Variants in LINGO2 observed in about 807,000 individuals in gnomAD.
LINGO2 encodes the protein leucine rich repeat and Ig domain containing 2, also known as leucine-rich repeat and immunoglobulin-like domain-containing nogo receptor-interacting protein 2.
A neutral mutation model predicts 30.6 loss-of-function variants in LINGO2; 14 were observed. The ratio of observed to expected loss-of-function variants is 0.46; its 90% CI spans 0.30 to 0.72. The LOEUF is 0.72. LINGO2 is among the 30% of genes least tolerant of loss of function. The pLI is 0.07. For synonymous variants in LINGO2, 317 were observed against 288.5 expected (o/e 1.10, Z -1.00); for missense variants, 729 against 751.7 (o/e 0.97, Z 0.35).
chr9:28,037,757 G>C (rs1824006231), intron 4 of LINGO2, among the ~76,000 whole-genome samples: 1 of 152,190 alleles, frequency 6.6e-6, no homozygotes, highest in Non-Finnish European at 1.5e-5. Flanking sequence ...ACTCAAATAT[G>C]GATCACAAAT....
the LINGO2 span, among the ~76,000 whole-genome samples, chr9:29,004,745 C>T: frequency 6.6e-6 from 1 of 151,882 alleles, no homozygotes; most frequent in African/African-American, 2.4e-5. Context: ...GCACACTAAA[C>T]ATTCACATCT....
intron 5 of LINGO2, among the ~76,000 whole-genome samples, chr9:27,971,539 C>T (rs141113149): frequency 3.8e-4 from 58 of 152,210 alleles, no homozygotes; most frequent in African/African-American, 6.7e-4. Flanking sequence ...TGCATCACCA[C>T]GCCTGGCTAA....
At chr9:29,091,207 T>C in the LINGO2 span, among the ~76,000 whole-genome samples, 1 of 152,076 alleles carries the variant, frequency 6.6e-6, no homozygotes. Context: ...AAGGGAAAAG[T>C]AAAAGCAACA....
the LINGO2 span, among the ~76,000 whole-genome samples, chr9:29,142,786 A>G: frequency 3.9e-5 from 6 of 151,980 alleles, no homozygotes; most frequent in African/African-American, 1.4e-4. Flanking sequence ...CTGAAGTCCT[A>G]GCCAGAGCTA....
At chr9:28,479,945 A>G (rs1417809134) in intron 1 of LINGO2, among the ~76,000 whole-genome samples, 1 of 132,908 alleles carries the variant, frequency 7.5e-6, no homozygotes. Flanking sequence ...ATATATATAT[A>G]TATATATATA....
the LINGO2 span, among the ~76,000 whole-genome samples, chr9:28,705,636 T>G: frequency 9.9e-5 from 15 of 152,142 alleles, no homozygotes; most frequent in Non-Finnish European, 2.1e-4. Flanking sequence ...GATCTTTCCC[T>G]GATCTTCACT....
chr9:27,949,121 G>A (rs766567208), exon 6 of LINGO2: 2 of 1,614,160 alleles, frequency 1.2e-6, no homozygotes, highest in East Asian at 2.2e-5. Flanking sequence ...AGTCGGTCAT[G>A]TACATAGGGG....
chr9:28,489,679 A>G lies in LINGO2; in HGVS notation c.-364-13654T>C, dbSNP rs553377636. On this transcript the variant is annotated intron_variant, in intron 1 of 5. Coordinates refer to ENST00000379992, the Ensembl canonical transcript of LINGO2. ...TTTGGGAGGCCGAGGCAGGCAGATT[A>G]TGAGGTCAGGAGATCGAGACCATCC... Among the ~76,000 whole-genome samples the G allele has an allele frequency of 2.3e-4, 35 of 151,908 alleles. 1 individual carries two copies. In the South Asian group the frequency reaches 5.2e-3, roughly 23 times the overall value.
chr9:28,469,155 A>G (rs1270910000), intron 2 of LINGO2, among the ~76,000 whole-genome samples: 2 of 152,140 alleles, frequency 1.3e-5, no homozygotes, highest in Admixed American at 1.3e-4. Context: ...GAAAAATACA[A>G]TATCTGAATT....
chr9:28,682,155 G>T, the LINGO2 span, among the ~76,000 whole-genome samples: 3 of 152,218 alleles, frequency 2.0e-5, no homozygotes, highest in South Asian at 6.2e-4. Flanking sequence ...CCTATATGCT[G>T]CCCTTTATAA....
intron 4 of LINGO2, among the ~76,000 whole-genome samples, chr9:28,016,352 T>A (rs1822836926): frequency 6.6e-6 from 1 of 152,154 alleles, no homozygotes; most frequent in Non-Finnish European, 1.5e-5. Context: ...AGGTACAACA[T>A]GAGCTACAAA....
the LINGO2 span, among the ~76,000 whole-genome samples, chr9:29,054,282 A>G: frequency 5.9e-5 from 9 of 152,194 alleles, no homozygotes; most frequent in Admixed American, 2.0e-4. Context: ...TTCAATGCTT[A>G]TATTGTATCA....
chr9:28,938,365 G>A, the LINGO2 span, among the ~76,000 whole-genome samples: 7 of 152,068 alleles, frequency 4.6e-5, no homozygotes, highest in Admixed American at 4.6e-4. Flanking sequence ...AATATTTTAA[G>A]TTCAATTTCC....
chr9:28,287,457 A>C (rs879386968), intron 4 of LINGO2, among the ~76,000 whole-genome samples: 1 of 152,152 alleles, frequency 6.6e-6, no homozygotes, highest in Non-Finnish European at 1.5e-5. Flanking sequence ...AATATCCCCT[A>C]TTATTTTCAC....
rs556151588 is a variant in LINGO2, at chr9:28,592,785, G to GT, written c.-365+77414dup. 2.2e-4 allele frequency among the ~76,000 whole-genome samples: 33 copies of GT among 151,972 alleles called. 1 individual carries two copies. The East Asian group carries it at 5.6e-3, about 26-fold the overall frequency. Reference sequence around the variant, plus strand: ...GTAAAAAGACTGAGAAACATAGCTTGTTTTTTTCAATAGGGTACACTTTCC... The same window carrying GT: ...GTAAAAAGACTGAGAAACATAGCTTGTTTTTTTTCAATAGGGTACACTTTCC... On this transcript the variant is annotated intron_variant, in intron 1 of 5. Coordinates refer to ENST00000379992, the Ensembl canonical transcript of LINGO2.
At chr9:29,031,621 G>A in the LINGO2 span, among the ~76,000 whole-genome samples, 1 of 152,148 alleles carries the variant, frequency 6.6e-6, no homozygotes, top group East Asian at 1.9e-4. Context: ...CTATGACACT[G>A]AGTCAAATGT....
At chr9:28,431,111 T>C (rs116758281) in intron 2 of LINGO2, among the ~76,000 whole-genome samples, 1,514 of 151,076 alleles carry the variant, frequency 0.01, 27 homozygotes, top group African/African-American at 0.035. Context: ...AATAACCTAA[T>C]CTCAAAAGCC....
intron 1 of LINGO2, among the ~76,000 whole-genome samples, chr9:28,536,704 C>G (rs1564274190): frequency 6.6e-6 from 1 of 152,012 alleles, no homozygotes; most frequent in Non-Finnish European, 1.5e-5. Flanking sequence ...CAACAACGAG[C>G]AATCAACTTG....
chr9:28,894,347 G>C, the LINGO2 span, among the ~76,000 whole-genome samples: 40 of 152,028 alleles, frequency 2.6e-4, no homozygotes, highest in Non-Finnish European at 5.4e-4. Context: ...GATAATAATA[G>C]TGTCTTACAT....
Sources: allele counts gnomAD v4.1 joint callset (sites outside exome capture counted in the v4.1 genomes callset), GRCh38; gene constraint gnomAD v4.1.1; transcripts MANE v1.5; gene names NCBI Gene and HGNC (gene_info 2026-07-23, HGNC 2026-07-21).